NOMO2: variants seen among roughly 807,000 people sequenced by gnomAD.
NOMO2 encodes the protein BOS complex subunit NOMO2.
A neutral mutation model predicts 67.1 loss-of-function variants in NOMO2; 14 were observed. The observed-to-expected ratio is 0.21, with a 90% CI of 0.14 to 0.33. The LOEUF (loss-of-function observed/expected upper bound fraction) is 0.33. NOMO2 is among the 10% of genes least tolerant of loss of function. NOMO2 has a pLI of 1.00. For synonymous variants in NOMO2, 80 were observed against 305.9 expected (o/e 0.26, Z 7.71); for missense variants, 178 against 761.0 (o/e 0.23, Z 9.01).
chr16:18,535,890 G>A (rs1034256413), intron 11 of NOMO2, among the ~76,000 whole-genome samples: 1 of 151,794 alleles, frequency 6.6e-6, no homozygotes, highest in African/African-American at 2.4e-5. Context: ...CCTGCCTCTC[G>A]GATTCAAGCG....
intron 2 of NOMO2, among the ~76,000 whole-genome samples, chr16:18,556,384 A>C (rs1304289446): frequency 1.3e-5 from 2 of 151,596 alleles, no homozygotes; most frequent in African/African-American, 4.9e-5. Flanking sequence ...CAGAGGTTGC[A>C]GTGAGCCGAG....
intron 1 of NOMO2, among the ~76,000 whole-genome samples, chr16:18,561,409 G>A (rs1267469605): frequency 2.7e-5 from 4 of 149,622 alleles, no homozygotes; most frequent in Non-Finnish European, 4.4e-5. Flanking sequence ...GCGGGGTTTG[G>A]AGGAGCAGTG....
At chr16:18,559,100 C>T (rs1233724236) in intron 1 of NOMO2, among the ~76,000 whole-genome samples, 1 of 151,620 alleles carries the variant, frequency 6.6e-6, no homozygotes. Flanking sequence ...GAGTCAGAGG[C>T]TTTGGTGAGC....
At chr16:18,533,968 C>G (rs1276493092) in intron 11 of NOMO2, among the ~76,000 whole-genome samples, 13 of 151,784 alleles carry the variant, frequency 8.6e-5, no homozygotes, top group Admixed American at 8.5e-4. Flanking sequence ...CTGGGGGTCA[C>G]AGTTGTCTTT....
intron 16 of NOMO2, among the ~76,000 whole-genome samples, chr16:18,525,337 G>C (rs1901121420): frequency 6.8e-6 from 1 of 147,630 alleles, no homozygotes; most frequent in East Asian, 2.0e-4. Flanking sequence ...GTACACAGTG[G>C]GGAATGACAG....
chr16:18,561,918 G>A lies in NOMO2; in HGVS notation c.123C>T (p.Gly41=), dbSNP rs1902061749. 8.2e-6 allele frequency: 13 copies of A among 1,577,290 alleles called. No homozygotes were observed. The African/African-American group carries it at 1.4e-4, about 16-fold the overall frequency. ...GSEDIVVGCG[G]FVKSDVEINY... ...TGATCTCCACGTCCGACTTGACGAA[G>A]CCACCGCAGCCCACCACGATGTCCT... is the stretch of plus-strand genomic sequence containing the variant. The change falls in exon 1 of 31, where the codon GGC becomes GGT. Residue 41 remains glycine, a synonymous_variant. Transcript: ENST00000622306.
At chr16:18,528,800 A>AC (rs1218803783) in intron 15 of NOMO2, among the ~76,000 whole-genome samples, 1 of 150,222 alleles carries the variant, frequency 6.7e-6, no homozygotes, top group Non-Finnish European at 1.5e-5. Context: ...TAACAAAAAT[A>AC]CAAAAAAAAA....
intron 20 of NOMO2, among the ~76,000 whole-genome samples, chr16:18,520,370 T>TAATCCATC (rs1362746655): frequency 2.6e-5 from 3 of 115,974 alleles, no homozygotes; most frequent in African/African-American, 9.7e-5. Flanking sequence ...AATCATTCAT[T>TAATCCATC]CATCCATCCA....
intron 2 of NOMO2, 141 bp downstream of exon 2, chr16:18,557,561 A>G: frequency 6.3e-7 from 1 of 1,594,812 alleles, no homozygotes; most frequent in South Asian, 1.1e-5. Context: ...CTCCCTCCAA[A>G]TGTGACTAGG....
At chr16:18,559,582 C>T (rs1901991392) in intron 1 of NOMO2, among the ~76,000 whole-genome samples, 1 of 152,152 alleles carries the variant, frequency 6.6e-6, no homozygotes, top group South Asian at 2.1e-4. Context: ...CAACTTCATT[C>T]CCCAGTGCCT....
At chr16:18,556,935 G>A (rs867880363) in intron 2 of NOMO2, among the ~76,000 whole-genome samples, 87 of 151,988 alleles carry the variant, frequency 5.7e-4, no homozygotes, top group African/African-American at 1.5e-3. Context: ...AGACCAGCCT[G>A]GCCAACATGG....
At chr16:18,529,013 A>G (rs1285351988) in intron 15 of NOMO2, among the ~76,000 whole-genome samples, 1 of 63,566 alleles carries the variant, frequency 1.6e-5, no homozygotes, top group Non-Finnish European at 3.3e-5. Flanking sequence ...ATATATATAT[A>G]TATATATATA....
chr16:18,537,424 G>A (rs1199196093), intron 11 of NOMO2, among the ~76,000 whole-genome samples: 2 of 148,990 alleles, frequency 1.3e-5, no homozygotes, highest in African/African-American at 4.9e-5. Context: ...TGAAAACAAT[G>A]ATCAAAGCTT....
chr16:18,528,277 A>G (rs1457003881), intron 15 of NOMO2, among the ~76,000 whole-genome samples: 3 of 151,774 alleles, frequency 2.0e-5, no homozygotes, highest in Non-Finnish European at 4.4e-5. Flanking sequence ...AAAAAAAAAA[A>G]AAGGATCTTA....
intron 3 of NOMO2, among the ~76,000 whole-genome samples, chr16:18,553,127 T>C (rs1901827080): frequency 6.6e-6 from 1 of 151,602 alleles, no homozygotes; most frequent in Admixed American, 6.6e-5. Context: ...ATACAAAAAT[T>C]AGCTGGGTGT....
intron 15 of NOMO2, among the ~76,000 whole-genome samples, chr16:18,528,239 T>C (rs1480860300): frequency 1.1e-5 from 1 of 87,858 alleles, no homozygotes; most frequent in African/African-American, 4.3e-5. Context: ...TGGGAGGAGA[T>C]AAAGAAGGGG....
chr16:18,533,612 G>A (rs539888551), intron 11 of NOMO2: 3,830 of 170,786 alleles, frequency 0.022, 1 homozygote, highest in African/African-American at 0.085. Context: ...GCATTATCAG[G>A]CCATCAAATA....
rs1323957524 is a variant in NOMO2, at chr16:18,551,368, A to AT, written c.402+70dup. The AT allele has an allele frequency of 1.0e-4, 50 of 497,552 alleles. 1 individual carries two copies. In the East Asian group the frequency reaches 1.7e-3, roughly 17 times the overall value. The allele number at this position is 497,552 out of a possible 1,614,324, so 30.8% of individuals were successfully genotyped here. On this transcript the variant is annotated intron_variant, in intron 4 of 30. Coordinates refer to ENST00000622306, the MANE Select transcript of NOMO2 (RefSeq NM_173614.4). ...AAGTCCCCAGGTTAAAATATCCTGCATTTTTTTAAAAAAGGATTTAGTATA... is the reference window on the plus strand; with the variant it reads ...AAGTCCCCAGGTTAAAATATCCTGCATTTTTTTTAAAAAAGGATTTAGTATA...
At chr16:18,526,030 T>C (rs1219204713) in intron 16 of NOMO2, among the ~76,000 whole-genome samples, 2 of 151,956 alleles carry the variant, frequency 1.3e-5, no homozygotes, top group African/African-American at 2.4e-5. Context: ...TGGATTTTGT[T>C]ACATGTAGCC....
Sources: allele counts gnomAD v4.1 joint callset (sites outside exome capture counted in the v4.1 genomes callset), GRCh38; gene constraint gnomAD v4.1.1; transcripts MANE v1.5; gene names NCBI Gene and HGNC (gene_info 2026-07-23, HGNC 2026-07-21).